LTBP1: variants seen among roughly 807,000 people sequenced by gnomAD.
LTBP1 encodes the protein latent transforming growth factor beta binding protein 1, also known as latent-transforming growth factor beta-binding protein 1.
Under a neutral mutation model 207.6 loss-of-function variants are expected in LTBP1, and 129 were observed. The ratio of observed to expected loss-of-function variants is 0.62; its 90% confidence interval spans 0.54 to 0.72. The LOEUF (loss-of-function observed/expected upper bound fraction) is 0.72, where lower values mean the gene tolerates loss of function less well. LTBP1 is among the 30% of genes least tolerant of loss of function. The pLI, the probability that LTBP1 is intolerant of heterozygous loss-of-function variation, is 0.00. For synonymous variants in LTBP1, 963 were observed against 833.7 expected (o/e 1.16, Z -2.67); for missense variants, 2,281 against 2,217.2 (o/e 1.03, Z -0.58).
chr2:33,376,447 G>A (rs2095140694), intron 31 of LTBP1, among the ~76,000 whole-genome samples: 1 of 152,196 alleles, frequency 6.6e-6, no homozygotes. Context: ...GAGGTTAGTG[G>A]CTGAAAAAAT....
chr2:33,183,151 G>C (rs1448665148), intron 5 of LTBP1, among the ~76,000 whole-genome samples: 1 of 152,184 alleles, frequency 6.6e-6, no homozygotes, highest in African/African-American at 2.4e-5. Flanking sequence ...TGAAATACCT[G>C]AGAGTTACTT....
intron 22 of LTBP1, among the ~76,000 whole-genome samples, chr2:33,307,334 A>C (rs1367699723): frequency 6.6e-6 from 1 of 152,236 alleles, no homozygotes; most frequent in African/African-American, 2.4e-5. Flanking sequence ...TTATGATTTT[A>C]GAAATATTTA....
chr2:33,356,776 TTAAAACATTAA>T (rs2094867346), intron 26 of LTBP1, among the ~76,000 whole-genome samples: 1 of 152,248 alleles, frequency 6.6e-6, no homozygotes, highest in Non-Finnish European at 1.5e-5. Flanking sequence ...TTCTTTCTCA[TTAAAACATTAA>T]TGCCTGTAGC....
intron 7 of LTBP1, among the ~76,000 whole-genome samples, chr2:33,206,243 T>G (rs1005953387): frequency 5.3e-5 from 8 of 152,168 alleles, no homozygotes; most frequent in Non-Finnish European, 1.2e-4. Context: ...TCTACATGAC[T>G]TGCAACCAAA....
At chr2:33,341,388 G>T (rs1160034468) in intron 24 of LTBP1, among the ~76,000 whole-genome samples, 1 of 151,842 alleles carries the variant, frequency 6.6e-6, no homozygotes, top group Non-Finnish European at 1.5e-5. Context: ...TTTTTTGTTT[G>T]TTTGTTTTGA....
chr2:33,204,024 G>A (rs1195974427), intron 7 of LTBP1, among the ~76,000 whole-genome samples: 1 of 152,170 alleles, frequency 6.6e-6, no homozygotes, highest in Non-Finnish European at 1.5e-5. Flanking sequence ...CCTCAGAATT[G>A]AGATTTGCTA....
chr2:33,027,165 G>C (rs774003647), intron 3 of LTBP1, among the ~76,000 whole-genome samples: 26 of 152,224 alleles, frequency 1.7e-4, no homozygotes, highest in Admixed American at 9.1e-4. Context: ...TTCTGCTCTT[G>C]ATGGATGTTT....
At chr2:33,269,304 C>G (rs1237652411) in intron 15 of LTBP1, among the ~76,000 whole-genome samples, 2 of 152,220 alleles carry the variant, frequency 1.3e-5, no homozygotes, top group East Asian at 3.8e-4. Flanking sequence ...TTTTCCATCA[C>G]TGGCTTTCTG....
intron 3 of LTBP1, among the ~76,000 whole-genome samples, chr2:33,028,294 A>G (rs1369349411): frequency 6.6e-6 from 1 of 152,242 alleles, no homozygotes; most frequent in Non-Finnish European, 1.5e-5. Flanking sequence ...CTATGTAATA[A>G]TAATAGTTAA....
At chr2:33,003,574 G>A (rs1037500771) in intron 2 of LTBP1, among the ~76,000 whole-genome samples, 1 of 152,198 alleles carries the variant, frequency 6.6e-6, no homozygotes, top group Non-Finnish European at 1.5e-5. Context: ...CTGTCCACAT[G>A]AGGAGTAACT....
intron 7 of LTBP1, among the ~76,000 whole-genome samples, chr2:33,199,651 AG>A (rs2088982167): frequency 6.6e-6 from 1 of 152,216 alleles, no homozygotes; most frequent in African/African-American, 2.4e-5. Context: ...AAGGAAATAA[AG>A]GGTATTCAGT....
At chr2:33,015,042 G>T (rs1688184247) in intron 2 of LTBP1, among the ~76,000 whole-genome samples, 1 of 151,600 alleles carries the variant, frequency 6.6e-6, no homozygotes. Context: ...GCACAGGCTG[G>T]ACTCAATCTC....
intron 31 of LTBP1, among the ~76,000 whole-genome samples, chr2:33,387,309 T>A (rs1161831948): frequency 6.6e-6 from 1 of 152,224 alleles, no homozygotes; most frequent in Non-Finnish European, 1.5e-5. Flanking sequence ...CGCAAAGAAA[T>A]CCTTAATTCT....
chr2:33,344,590 A>G (rs1255427128), intron 25 of LTBP1, among the ~76,000 whole-genome samples: 1 of 152,150 alleles, frequency 6.6e-6, no homozygotes, highest in African/African-American at 2.4e-5. Flanking sequence ...TCTTCCAGAC[A>G]CCATCCCTGC....
chr2:32,953,231 T>TC (rs1677471234), intron 2 of LTBP1, among the ~76,000 whole-genome samples: 4 of 152,220 alleles, frequency 2.6e-5, no homozygotes, highest in Non-Finnish European at 5.9e-5. Context: ...GATGGCATCA[T>TC]CCAGGAGGGT....
At chr2:33,127,364 CTCCTTTAAAGTTTTGTGACT>C (rs1286491186) in intron 4 of LTBP1, among the ~76,000 whole-genome samples, 1 of 152,156 alleles carries the variant, frequency 6.6e-6, no homozygotes, top group African/African-American at 2.4e-5. Context: ...AGGCATTCAA[CTCCTTTAAAGTTTTGTGACT>C]TCCAGCTATC....
chr2:33,154,207 A>AT (rs138740373), intron 5 of LTBP1, among the ~76,000 whole-genome samples: 2,288 of 152,190 alleles, frequency 0.015, 22 homozygotes, highest in East Asian at 0.027. Context: ...CTGTAGGTAG[A>AT]TTTTTTTTAA....
At chr2:33,262,320 G>A (rs1356256367) in intron 13 of LTBP1, among the ~76,000 whole-genome samples, 7 of 152,174 alleles carry the variant, frequency 4.6e-5, no homozygotes, top group Non-Finnish European at 1.0e-4. Flanking sequence ...GCAAACTGTG[G>A]CTGGTCATCT....
intron 24 of LTBP1, among the ~76,000 whole-genome samples, chr2:33,324,141 G>A (rs1260253664): frequency 6.6e-6 from 1 of 152,064 alleles, no homozygotes; most frequent in Non-Finnish European, 1.5e-5. Flanking sequence ...AGTTACAGCA[G>A]TCCTTCCTTA....
Sources: gnomAD v4.1 joint callset for allele counts (sites outside exome capture counted in the v4.1 genomes callset) on GRCh38, gnomAD v4.1.1 for gene constraint, MANE v1.5 for transcripts, NCBI Gene and HGNC (gene_info 2026-07-23, HGNC 2026-07-21) for gene names.